FAM167A: variants seen among roughly 807,000 people sequenced by gnomAD.
FAM167A encodes the protein protein FAM167A.
FAM167A carries 23 observed loss-of-function variants against 14.9 expected under a neutral mutation model. That is an observed-to-expected ratio of 1.55 (90% CI 1.11 to 2.19). The LOEUF (loss-of-function observed/expected upper bound fraction) is 2.19, where lower values mean the gene tolerates loss of function less well. Among genes scored for constraint, FAM167A ranks in the 30% most tolerant of loss-of-function variants. The pLI is 0.00. For synonymous variants in FAM167A, 174 were observed against 117.7 expected (o/e 1.48, Z -3.10); for missense variants, 401 against 281.5 (o/e 1.42, Z -3.04).
At chr8:11,464,026 G>A (rs1383217111) in intron 1 of FAM167A, among the ~76,000 whole-genome samples, 2 of 152,146 alleles carry the variant, frequency 1.3e-5, no homozygotes, top group African/African-American at 2.4e-5. Flanking sequence ...CCCCCTTGAC[G>A]GCTGTGCCCA....
At chr8:11,475,023 C>A (rs534221764) in intron 1 of FAM167A, among the ~76,000 whole-genome samples, 3 of 152,238 alleles carry the variant, frequency 2.0e-5, no homozygotes, top group African/African-American at 7.2e-5. Flanking sequence ...CCATGGGAGT[C>A]CCCTGGACAC....
chr8:11,431,975 G>A (rs753039517), intron 2 of FAM167A, among the ~76,000 whole-genome samples: 1 of 150,838 alleles, frequency 6.6e-6, no homozygotes, highest in Non-Finnish European at 1.5e-5. Context: ...TCAACTCTCA[G>A]TGTGGGTTTC....
chr8:11,454,211 G>C (rs899811866), intron 1 of FAM167A, among the ~76,000 whole-genome samples: 9 of 152,226 alleles, frequency 5.9e-5, no homozygotes, highest in Non-Finnish European at 1.2e-4. Context: ...CCAAAGCCAG[G>C]GTGGGCTTGG....
intron 1 of FAM167A, among the ~76,000 whole-genome samples, chr8:11,464,177 C>T (rs1182256162): frequency 6.6e-6 from 1 of 152,154 alleles, no homozygotes; most frequent in Non-Finnish European, 1.5e-5. Context: ...CCTTGAACTG[C>T]TCTGCTCACC....
intron 1 of FAM167A, among the ~76,000 whole-genome samples, chr8:11,448,171 G>A (rs1007882178): frequency 1.3e-5 from 2 of 150,592 alleles, no homozygotes; most frequent in African/African-American, 2.4e-5. Context: ...TCCAGCCTGG[G>A]CGACAGGGCG....
At chr8:11,436,857 CAGT>C (rs1563367888) in intron 2 of FAM167A, among the ~76,000 whole-genome samples, 1 of 152,154 alleles carries the variant, frequency 6.6e-6, no homozygotes. Context: ...AGGAAGGTGT[CAGT>C]AGGCTGCTAA....
intron 2 of FAM167A, among the ~76,000 whole-genome samples, chr8:11,431,364 G>C (rs1253973889): frequency 6.6e-6 from 1 of 152,250 alleles, no homozygotes; most frequent in Non-Finnish European, 1.5e-5. Context: ...ATGGAAAGCA[G>C]GACAGTGGTG....
upstream of FAM167A, among the ~76,000 whole-genome samples, chr8:11,467,844 G>C (rs994354348): frequency 2.6e-5 from 4 of 152,238 alleles, no homozygotes; most frequent in African/African-American, 9.6e-5. Context: ...GTCCTCTGAG[G>C]GACGTCGTCT....
upstream of FAM167A, among the ~76,000 whole-genome samples, chr8:11,468,752 T>C (rs1807863094): frequency 6.6e-6 from 1 of 152,268 alleles, no homozygotes; most frequent in South Asian, 2.1e-4. Context: ...GGCTCCCTGT[T>C]TGACCTATGG....
rs1466392184 is a variant in FAM167A, at chr8:11,466,741, C to T, written c.-513G>A. 2 of 152,240 alleles carry T rather than the reference C, an allele frequency of 1.3e-5. No homozygotes were observed. Among genetic ancestry groups the T allele is most frequent in the Non-Finnish European group, 2.9e-5 (2 of 68,084 alleles). The allele number at this position is 152,240 out of a possible 1,614,324, so 9.4% of individuals were successfully genotyped here. ...GGCTCCCGCCTCGCCTCCCCGAGCT[C>T]CGGTGAATTCTCGGCGCTGCTCCTT... On this transcript the variant is annotated 5_prime_UTR_variant, in exon 1 of 3. Coordinates refer to ENST00000284486, the MANE Select transcript of FAM167A (RefSeq NM_053279.3).
upstream of FAM167A, chr8:11,467,624 C>T (rs902076503): frequency 6.6e-6 from 1 of 152,336 alleles, no homozygotes; most frequent in African/African-American, 2.4e-5. Context: ...GCAGGCGCCG[C>T]CTACATGGCC....
chr8:11,438,155 G>A (rs77542386), intron 2 of FAM167A: 5,931 of 455,260 alleles, frequency 0.013, 284 homozygotes, highest in African/African-American at 0.11. Context: ...GGGGCTGGAT[G>A]AAAAGACTTC....
upstream of FAM167A, among the ~76,000 whole-genome samples, chr8:11,471,281 G>T (rs934972212): frequency 6.6e-6 from 1 of 152,196 alleles, no homozygotes; most frequent in Non-Finnish European, 1.5e-5. Context: ...AGGAGTGGCG[G>T]GCACAAGGGC....
At chr8:11,453,663 C>T (rs1807115868) in intron 1 of FAM167A, among the ~76,000 whole-genome samples, 1 of 152,128 alleles carries the variant, frequency 6.6e-6, no homozygotes, top group South Asian at 2.1e-4. Context: ...CTGTGACCCT[C>T]CCCATGGTCT....
chr8:11,455,730 T>G (rs1205546369), intron 1 of FAM167A, among the ~76,000 whole-genome samples: 4 of 137,464 alleles, frequency 2.9e-5, no homozygotes, highest in African/African-American at 8.4e-5. Context: ...TGTGTGAGTG[T>G]CGGGGGTGGT....
At chr8:11,435,258 T>A (rs1313934890) in intron 2 of FAM167A, among the ~76,000 whole-genome samples, 2 of 152,068 alleles carry the variant, frequency 1.3e-5, no homozygotes, top group Non-Finnish European at 2.9e-5. Flanking sequence ...CCTTTGTCCC[T>A]CTCCCTGCAG....
At chr8:11,439,031 G>A (rs1480638468) in intron 2 of FAM167A, among the ~76,000 whole-genome samples, 2 of 152,188 alleles carry the variant, frequency 1.3e-5, no homozygotes, top group African/African-American at 4.8e-5. Context: ...GGCAGCTCAG[G>A]GCCCCTTGAC....
chr8:11,457,509 T>C (rs917397698), intron 1 of FAM167A, among the ~76,000 whole-genome samples: 18 of 152,082 alleles, frequency 1.2e-4, no homozygotes, highest in African/African-American at 4.3e-4. Flanking sequence ...TCCGTGATGT[T>C]TGTTGGTGTC....
At position 11,423,066 on chromosome 8, in the gene FAM167A, A is replaced by G. The variant is rs1252925950; in HGVS notation, c.*1307T>C. 6.6e-6 allele frequency: 1 copy of G among 152,642 alleles called. No homozygotes were observed. The highest frequency in any genetic ancestry group is 1.9e-4 in the East Asian group (1 of 5,192). The allele number at this position is 152,642 out of a possible 1,614,324, so 9.5% of individuals were successfully genotyped here. The stretch of plus-strand genomic sequence containing the variant: ...CACATCAATATTCTATAGCCTAAAC[A>G]GCTGTGCAACCTGAGGGAAGTCCTT... On this transcript the variant is annotated 3_prime_UTR_variant, in exon 3 of 3. Coordinates refer to ENST00000284486, the MANE Select transcript of FAM167A (RefSeq NM_053279.3).
Sources: gnomAD v4.1 joint callset for allele counts (sites outside exome capture counted in the v4.1 genomes callset) on GRCh38, gnomAD v4.1.1 for gene constraint, MANE v1.5 for transcripts, NCBI Gene and HGNC (gene_info 2026-07-23, HGNC 2026-07-21) for gene names.